The following RAB27B variants were observed in gnomAD, a reference collection of about 807,000 sequenced individuals.
The protein encoded by RAB27B is ras-related protein Rab-27B.
In RAB27B, 15 loss-of-function variants were observed where a neutral mutation model predicts 24.6. That is an observed-to-expected ratio of 0.61 (90% CI 0.41 to 0.94). The LOEUF (loss-of-function observed/expected upper bound fraction) is 0.94, where lower values mean the gene tolerates loss of function less well. Ranked by LOEUF, RAB27B falls within the 40% of genes least tolerant of loss-of-function variation. The pLI is 0.00. For missense variants in RAB27B, 261 were observed against 266.8 expected (o/e 0.98, Z 0.15); for synonymous variants, 105 against 92.5 (o/e 1.14, Z -0.78).
intron 2 of RAB27B, among the ~76,000 whole-genome samples, chr18:54,786,127 G>A (rs1909077177): frequency 6.6e-6 from 1 of 151,218 alleles, no homozygotes. Flanking sequence ...TTTGTCTTCT[G>A]CAGAATATTT....
intron 2 of RAB27B, among the ~76,000 whole-genome samples, chr18:54,770,944 A>G (rs1908527332): frequency 2.0e-5 from 3 of 152,316 alleles, no homozygotes; most frequent in Middle Eastern, 6.8e-3. Context: ...TTCTAGGAGC[A>G]GAGACACTAG....
Position 54,775,192 on chromosome 18 carries a change from G to A in RAB27B, c.-20+57051G>A, listed in dbSNP as rs78618318. Among the ~76,000 whole-genome samples, 33 of 152,284 alleles carry A rather than the reference G, an allele frequency of 2.2e-4. No homozygotes were observed. In the East Asian group the frequency reaches 5.4e-3, roughly 25 times the overall value. On this transcript the variant is annotated intron_variant, in intron 2 of 4. Transcript: ENST00000586570. ...CATCTTCCTAGAGGCCATGACCACAGCATCAACATAAAACAGCTCTGAAAT... is the reference window on the plus strand; with the variant it reads ...CATCTTCCTAGAGGCCATGACCACAACATCAACATAAAACAGCTCTGAAAT...
intron 1 of RAB27B, among the ~76,000 whole-genome samples, chr18:54,859,486 CA>C (rs200377089): frequency 0.12 from 17,343 of 140,944 alleles, 995 homozygotes; most frequent in African/African-American, 0.14. Context: ...TTCAATTAAC[CA>C]AAAAAAAAAA....
intron 2 of RAB27B, among the ~76,000 whole-genome samples, chr18:54,810,450 G>T (rs557616698): frequency 1.1e-4 from 16 of 152,182 alleles, no homozygotes; most frequent in Middle Eastern, 3.4e-3. Flanking sequence ...TTGTGAACTT[G>T]TCTGAGTTAA....
chr18:54,850,333 G>GAGAT (rs869079784), intron 1 of RAB27B, among the ~76,000 whole-genome samples: 1 of 95,156 alleles, frequency 1.1e-5, no homozygotes, highest in African/African-American at 4.7e-5. Flanking sequence ...AAACAAACAG[G>GAGAT]ATATATATAT....
At chr18:54,778,152 C>T (rs1908775669) in intron 2 of RAB27B, among the ~76,000 whole-genome samples, 1 of 152,230 alleles carries the variant, frequency 6.6e-6, no homozygotes, top group Non-Finnish European at 1.5e-5. Context: ...TCTCGACACA[C>T]CTCATAAATA....
chr18:54,782,832 G>C (rs1297478033), intron 2 of RAB27B, among the ~76,000 whole-genome samples: 2 of 152,040 alleles, frequency 1.3e-5, no homozygotes, highest in African/African-American at 4.8e-5. Context: ...ATTCAACTCA[G>C]TTCCATTGAA....
At chr18:54,825,867 T>C (rs1910454330), upstream of RAB27B, among the ~76,000 whole-genome samples, 1 of 152,212 alleles carries the variant, frequency 6.6e-6, no homozygotes, top group African/African-American at 2.4e-5. Flanking sequence ...CTGGCCTCCT[T>C]CTATGCTGAG....
rs56287421 is a variant in RAB27B, at chr18:54,753,110, A to G, written c.-20+34969A>G. On this transcript the variant is annotated intron_variant, in intron 2 of 4. Transcript: ENST00000586570. Reference sequence around the variant, plus strand: ...TTTGAGGTGCCTGTGTCACCTTGGAAGAGCCATCACAGGTAATTAGAAATT... The same window carrying G: ...TTTGAGGTGCCTGTGTCACCTTGGAGGAGCCATCACAGGTAATTAGAAATT... 4.3e-3 allele frequency among the ~76,000 whole-genome samples: 661 copies of G among 152,256 alleles called. 7 individuals are homozygous for G. Among genetic ancestry groups the G allele is most frequent in the African/African-American group, 0.016 (655 of 41,546 alleles).
intron 2 of RAB27B, among the ~76,000 whole-genome samples, chr18:54,759,506 G>A (rs936664489): frequency 6.6e-6 from 1 of 152,146 alleles, no homozygotes; most frequent in Non-Finnish European, 1.5e-5. Context: ...GGTGTCTTGT[G>A]CCTGAGCAAT....
upstream of RAB27B, among the ~76,000 whole-genome samples, chr18:54,827,222 C>G (rs994617607): frequency 2.0e-5 from 3 of 152,302 alleles, no homozygotes; most frequent in East Asian, 5.8e-4. Context: ...GGAACTGGAT[C>G]TTACTTGGGG....
intron 2 of RAB27B, among the ~76,000 whole-genome samples, chr18:54,793,144 ATAT>A (rs949796262): frequency 1.3e-5 from 2 of 151,342 alleles, no homozygotes; most frequent in Admixed American, 6.6e-5. Context: ...CTAACTTATG[ATAT>A]TATTATGTGA....
At chr18:54,806,213 G>C (rs1228375906) in intron 2 of RAB27B, among the ~76,000 whole-genome samples, 1 of 152,036 alleles carries the variant, frequency 6.6e-6, no homozygotes, top group African/African-American at 2.4e-5. Flanking sequence ...CAGATAAGCA[G>C]TGTACTTAGC....
At chr18:54,801,371 TA>T (rs576614589) in intron 2 of RAB27B, among the ~76,000 whole-genome samples, 9 of 152,098 alleles carry the variant, frequency 5.9e-5, no homozygotes, top group South Asian at 2.1e-4. Flanking sequence ...TCAACATTTA[TA>T]AAAAAAACTA....
At chr18:54,813,279 A>G (rs915229676) in intron 2 of RAB27B, among the ~76,000 whole-genome samples, 7 of 152,206 alleles carry the variant, frequency 4.6e-5, no homozygotes, top group African/African-American at 1.4e-4. Flanking sequence ...TGTGCCATGT[A>G]CTAGACATGC....
At position 54,884,400 on chromosome 18, in the gene RAB27B, A is replaced by G. The variant is rs1913049096; in HGVS notation, c.307A>G (p.Ser103Gly). ...MGFLLMFDLT[S>G]QQSFLNVRNW... is the part of the protein sequence containing the mutation. ...CTTCTTATTAATGTTTGACCTCACC[A>G]GTCAACAGAGCTTCTTAAATGTCAG... The change falls in exon 4 of 6, where the codon AGT becomes GGT. Residue 103 changes from serine (S) to glycine (G), a missense_variant. Transcript: ENST00000262094. The G allele has an allele frequency of 6.2e-7, 1 of 1,612,488 alleles. No individual in the cohort carries two copies. Among genetic ancestry groups the G allele is most frequent in the Non-Finnish European group, 8.5e-7 (1 of 1,178,742 alleles).
rs569375790 is a variant in RAB27B, at chr18:54,870,589, T to C, written c.-19-6978T>C. On this transcript the variant is annotated intron_variant, in intron 1 of 5. Coordinates refer to ENST00000262094, the MANE Select transcript of RAB27B (RefSeq NM_004163.4). ...AAAGCTCTATTAAGGAAGGATATGA[T>C]TGTACATCTAGAAAATTCAAAATAA... 2.0e-5 allele frequency among the ~76,000 whole-genome samples: 3 copies of C among 152,300 alleles called. No individual in the cohort carries two copies. In the East Asian group the frequency reaches 5.8e-4, roughly 29 times the overall value.
At chr18:54,877,497 C>A in intron 1 of RAB27B, 70 bp from the exon 2 acceptor site, 1 of 1,185,398 alleles carries the variant, frequency 8.4e-7, no homozygotes, top group Non-Finnish European at 1.1e-6. Context: ...AAATTTATGT[C>A]ATATTTTGAT....
intron 2 of RAB27B, among the ~76,000 whole-genome samples, chr18:54,793,625 G>A (rs1909323970): frequency 1.3e-5 from 2 of 152,208 alleles, no homozygotes; most frequent in South Asian, 2.1e-4. Context: ...ATAACAGCAA[G>A]TAAGCAAATC....
Sources: gnomAD v4.1 joint callset for allele counts (sites outside exome capture counted in the v4.1 genomes callset) on GRCh38, gnomAD v4.1.1 for gene constraint, MANE v1.5 for transcripts, NCBI Gene and HGNC (gene_info 2026-07-23, HGNC 2026-07-21) for gene names.